Variants in CDH22 observed in about 807,000 individuals in gnomAD.
CDH22 encodes the protein cadherin-22.
CDH22 carries 30 observed loss-of-function variants against 58.4 expected under a neutral mutation model. The observed-to-expected ratio is 0.51, with a 90% CI of 0.38 to 0.70. The LOEUF (loss-of-function observed/expected upper bound fraction) is 0.70. CDH22 is among the 30% of genes least tolerant of loss of function. The pLI, the probability that CDH22 is intolerant of heterozygous loss-of-function variation, is 0.00. For missense variants in CDH22, 1,014 were observed against 1,233.9 expected (o/e 0.82, Z 2.67); for synonymous variants, 513 against 558.2 (o/e 0.92, Z 1.14).
intron 1 of CDH22, among the ~76,000 whole-genome samples, chr20:46,287,111 G>A (rs982383076): frequency 7.9e-5 from 12 of 152,218 alleles, no homozygotes; most frequent in East Asian, 1.9e-4. Flanking sequence ...AAAGACAGAC[G>A]TTAGGTCTGT....
chr20:46,226,819 C>A (rs1158095056), intron 4 of CDH22, among the ~76,000 whole-genome samples: 1 of 152,178 alleles, frequency 6.6e-6, no homozygotes, highest in Non-Finnish European at 1.5e-5. Context: ...AGCTGTGTGA[C>A]CTCAAGTGAG....
chr20:46,202,498 C>T (rs1275201483), intron 7 of CDH22, among the ~76,000 whole-genome samples: 8 of 152,006 alleles, frequency 5.3e-5, no homozygotes, highest in Non-Finnish European at 7.4e-5. Context: ...GGACTACAGG[C>T]GCCCGCCACC....
chr20:46,293,517 C>A (rs1327147455), intron 1 of CDH22, among the ~76,000 whole-genome samples: 5 of 152,100 alleles, frequency 3.3e-5, no homozygotes, highest in Admixed American at 6.5e-5. Flanking sequence ...AGGGGGAGAA[C>A]TTTGGAATTC....
Position 46,174,738 on chromosome 20 carries a change from C to T in CDH22, c.2255G>A (p.Ser752Asn), listed in dbSNP as rs1253172366. The T allele has an allele frequency of 1.3e-6, 2 of 1,552,976 alleles. No individual in the cohort carries two copies. The highest frequency in any genetic ancestry group is 1.4e-5 in the African/African-American group (1 of 73,604). Reference sequence around the variant, plus strand: ...CCCGTCCGCCAGTGCCACCTTGCGGCTGATGAAGTCCCTGAACACTGAGAA... The same window carrying T: ...CCCGTCCGCCAGTGCCACCTTGCGGTTGATGAAGTCCCTGAACACTGAGAA... ...PDFSVFRDFISRKVALADGDL... is the reference protein window; with the variant it reads ...PDFSVFRDFINRKVALADGDL... The change falls in exon 12 of 12, where the codon AGC becomes AAC. Residue 752 changes from serine (S) to asparagine (N), a missense_variant. By Grantham distance (46) the Ser-to-Asn change is conservative. Coordinates refer to ENST00000537909, the MANE Select transcript of CDH22 (RefSeq NM_021248.3). This position sits in a 1 kb window ranked among gnomAD's most constrained non-coding sequence, Gnocchi z 4.4.
intron 1 of CDH22, among the ~76,000 whole-genome samples, chr20:46,282,205 G>C (rs2086554011): frequency 6.6e-6 from 1 of 152,228 alleles, no homozygotes; most frequent in African/African-American, 2.4e-5. Flanking sequence ...TGGTAGAACA[G>C]GATAGACAAA....
At chr20:46,197,499 G>C (rs1368461718) in intron 8 of CDH22, among the ~76,000 whole-genome samples, 1 of 152,130 alleles carries the variant, frequency 6.6e-6, no homozygotes, top group Non-Finnish European at 1.5e-5. Context: ...TGGGACACTG[G>C]GCCGGTGATA....
intron 10 of CDH22, among the ~76,000 whole-genome samples, chr20:46,178,746 G>A (rs1313478027): frequency 1.3e-5 from 2 of 152,148 alleles, no homozygotes; most frequent in South Asian, 2.1e-4. Context: ...GAAGGGACTG[G>A]GAACTCTGGC....
chr20:46,179,347 G>A (rs6131030), intron 10 of CDH22, among the ~76,000 whole-genome samples: 63,600 of 151,998 alleles, frequency 0.42, 13,432 homozygotes, highest in East Asian at 0.53. Flanking sequence ...TTGGCAGCCT[G>A]GGTTCCTTAC....
intron 2 of CDH22, among the ~76,000 whole-genome samples, chr20:46,247,047 T>C (rs74988289): frequency 1.4e-4 from 20 of 147,852 alleles, no homozygotes; most frequent in Non-Finnish European, 2.2e-4. Flanking sequence ...ATGACAACCT[T>C]CCCCCCCACT....
intron 4 of CDH22, among the ~76,000 whole-genome samples, chr20:46,217,836 GACACACTAACATAT>G (rs2086096851): frequency 6.6e-6 from 1 of 151,654 alleles, no homozygotes; most frequent in South Asian, 2.1e-4. Context: ...AACACACACA[GACACACTAACATAT>G]ACACACACAC....
At chr20:46,195,129 G>T (rs1017650854) in intron 8 of CDH22, among the ~76,000 whole-genome samples, 3 of 152,204 alleles carry the variant, frequency 2.0e-5, no homozygotes, top group Non-Finnish European at 4.4e-5. Context: ...GTAACAAGAT[G>T]GGAGTGACCT....
intron 7 of CDH22, among the ~76,000 whole-genome samples, chr20:46,200,634 A>G (rs1317897715): frequency 6.6e-6 from 1 of 152,024 alleles, no homozygotes; most frequent in African/African-American, 2.4e-5. Context: ...GAAGGCAGAG[A>G]CCGGGAGTGT....
chr20:46,187,054 T>A (rs73908637), intron 8 of CDH22, 107 bp from the exon 9 acceptor site: 23,933 of 1,251,286 alleles, frequency 0.019, 392 homozygotes, highest in African/African-American at 0.064. Context: ...TGCTGAGAAA[T>A]TTGTGGGTTA....
At chr20:46,258,504 C>T (rs975105541) in intron 1 of CDH22, among the ~76,000 whole-genome samples, 1 of 152,192 alleles carries the variant, frequency 6.6e-6, no homozygotes, top group African/African-American at 2.4e-5. Context: ...GTGACGGAGC[C>T]AACACCATTT....
intron 3 of CDH22, among the ~76,000 whole-genome samples, chr20:46,239,762 G>A (rs551834420): frequency 1.3e-5 from 2 of 152,346 alleles, no homozygotes; most frequent in South Asian, 4.1e-4. Context: ...GGCAGCTATT[G>A]GCTTGTGCCC....
intron 2 of CDH22, among the ~76,000 whole-genome samples, chr20:46,249,705 A>C (rs2086356210): frequency 6.6e-6 from 1 of 152,090 alleles, no homozygotes; most frequent in Non-Finnish European, 1.5e-5. Context: ...TGGAAAGCTA[A>C]TTGGCCCTAA....
rs766868600 is a variant in CDH22 at position 46,241,177 on chromosome 20, G to T, written c.336C>A (p.Ile112=). Residue 112 remains isoleucine, a synonymous_variant, in exon 3 of 12, where the codon ATC becomes ATA. Coordinates refer to ENST00000537909, the MANE Select transcript of CDH22 (RefSeq NM_021248.3). This position sits in a 1 kb window ranked among gnomAD's most constrained non-coding sequence, Gnocchi z 5.2. ...CATGAATGTCGCCTGTCAGCTCGTC[G>T]ATCAGGAAGATGGTCCCAGCACCCT... ...SGEGAGTIFL[I]DELTGDIHAM... The T allele has an allele frequency of 1.2e-6, 2 of 1,614,124 alleles. No homozygotes were observed. Among genetic ancestry groups the T allele is most frequent in the Non-Finnish European group, 1.7e-6 (2 of 1,179,990 alleles).
At position 46,183,619 on chromosome 20, in the gene CDH22, A is replaced by T. The variant is rs182957369; in HGVS notation, c.1663+2969T>A. 2.3e-3 allele frequency among the ~76,000 whole-genome samples: 352 copies of T among 152,016 alleles called. 1 individual carries two copies. The highest frequency in any genetic ancestry group is 8.1e-3 in the African/African-American group (336 of 41,438). On this transcript the variant is annotated intron_variant, in intron 10 of 11. Transcript: ENST00000537909. The stretch of plus-strand genomic sequence containing the variant: ...AATTATTATTATTATTTTTAAAGAG[A>T]TGGGTTTTCACTGTGTTGTCCAGGC...
At chr20:46,288,231 T>A (rs1477655554) in intron 1 of CDH22, among the ~76,000 whole-genome samples, 1 of 152,052 alleles carries the variant, frequency 6.6e-6, no homozygotes, top group African/African-American at 2.4e-5. Context: ...GGCTCCAATA[T>A]CCCCTCCAAT....
Sources: gnomAD v4.1 joint callset for allele counts (sites outside exome capture counted in the v4.1 genomes callset) on GRCh38, gnomAD v4.1.1 for gene constraint, Gnocchi (gnomAD v3.1) non-coding constraint, MANE v1.5 for transcripts, NCBI Gene and HGNC (gene_info 2026-07-23, HGNC 2026-07-21) for gene names.